The following RBMX variants were observed in gnomAD, a reference collection of about 807,000 sequenced individuals.
The protein encoded by RBMX is RNA binding motif protein X-linked.
Under a neutral mutation model 29.3 loss-of-function variants are expected in RBMX, and 1 was observed. That is an observed-to-expected ratio of 0.03 (90% CI 0.01 to 0.16). RBMX has a LOEUF of 0.16. Ranked by LOEUF, RBMX falls within the 10% of genes least tolerant of loss-of-function variation. RBMX has a pLI of 1.00. For missense variants in RBMX, 121 were observed against 333.2 expected (o/e 0.36, Z 4.96); for synonymous variants, 102 against 102.3 (o/e 1.00, Z 0.02).
intron 3 of RBMX, 114 bp downstream of exon 3, chrX:136,878,903 G>T: frequency 1.1e-6 from 1 of 933,658 alleles, no homozygotes; most frequent in Non-Finnish European, 1.5e-6. Context: ...TCCCAGACAG[G>T]TATATACTGA....
chrX:136,875,669 G>A (rs931478690), intron 5 of RBMX, 84 bp from the exon 6 acceptor site: 3 of 1,088,241 alleles, frequency 2.8e-6, no homozygotes, highest in African/African-American at 3.7e-5. Flanking sequence ...GAAAAATAAT[G>A]AGACTGACTT....
chrX:136,872,630 G>A (rs1238165703), downstream of RBMX: 9 of 299,076 alleles, frequency 3.0e-5, no homozygotes, highest in Non-Finnish European at 5.3e-5. Flanking sequence ...TTATTTGAAG[G>A]AATAAGTGCA....
At chrX:136,877,212 A>G (rs1465523471) in intron 4 of RBMX, among the ~76,000 whole-genome samples, 1 of 106,403 alleles carries the variant, frequency 9.4e-6, no homozygotes, top group African/African-American at 3.4e-5. Context: ...CATGCCCGTA[A>G]TCCCAGCTAC....
chrX:136,874,787 A>G, intron 8 of RBMX: 2 of 384,865 alleles, frequency 5.2e-6, no homozygotes, highest in Non-Finnish European at 8.2e-6. Flanking sequence ...TTGCAATGGT[A>G]AATATTTGAT....
At chrX:136,878,960 T>C in intron 3 of RBMX, 57 bp downstream of exon 3, 2 of 1,192,052 alleles carry the variant, frequency 1.7e-6, no homozygotes. Context: ...CTTGGACAAC[T>C]ACATGTTATT....
chrX:136,869,937 T>TG (rs2077675227), downstream of RBMX: 1 of 112,303 alleles, frequency 8.9e-6, no homozygotes, highest in Admixed American at 9.5e-5. Context: ...CATCTTAGCA[T>TG]GGTTACTTTC....
chrX:136,878,744 T>TC (rs2077765763), intron 3 of RBMX, among the ~76,000 whole-genome samples: 1 of 43,317 alleles, frequency 2.3e-5, no homozygotes. Flanking sequence ...AGGGAGACTA[T>TC]CAAAAAAAAA....
At chrX:136,875,432 C>T (rs773574024) in intron 6 of RBMX, 39 bp downstream of exon 6, 2 of 1,206,964 alleles carry the variant, frequency 1.7e-6, no homozygotes, top group South Asian at 3.6e-5. Context: ...TTTCCTTCAA[C>T]CTTAATTATT....
rs1028224049 is a variant in RBMX, at chrX:136,876,414, G to A, written c.541+89C>T. ...TAGGATTACGGGCGTGAGCCACCAC[G>A]CCTGGCCAATTAAAATTTTAAGCAT... On this transcript the variant is annotated intron_variant, in intron 5 of 8. Transcript: ENST00000320676. 6 of 1,014,573 alleles carry A rather than the reference G, an allele frequency of 5.9e-6. No individual in the cohort carries two copies. The African/African-American group carries it at 7.8e-5, about 13-fold the overall frequency. 83.6% of individuals were successfully genotyped at this position (1,014,573 alleles called of 1,213,427 possible).
In RBMX at chrX:136,876,529, C is replaced by T. The variant is rs755042249; in HGVS notation, c.515G>A (p.Arg172His). 1 of 1,193,903 alleles carries T rather than the reference C, an allele frequency of 8.4e-7. No homozygotes were observed. Among genetic ancestry groups the T allele is most frequent in the Non-Finnish European group, 1.1e-6 (1 of 889,471 alleles). The change falls in exon 5 of 9, where the codon CGC becomes CAC. Residue 172 changes from arginine (R) to histidine (H), a missense_variant. Arg to His is a conservative substitution (Grantham distance 29). Coordinates refer to ENST00000320676, the MANE Select transcript of RBMX (RefSeq NM_002139.4). ...TCTTCCTCCCATTCCACTGCTACTG[C>T]GAACTGGTCCTGAAGGTGCAGATCT... ...PKRSAPSGPV[R>H]SSSGMGGRAP...
intron 5 of RBMX, 152 bp from the exon 6 acceptor site, chrX:136,875,737 C>T: frequency 1.2e-6 from 1 of 834,696 alleles, no homozygotes; most frequent in Non-Finnish European, 1.6e-6. Context: ...ATTTCCCATT[C>T]ATATTTTAAA....
intron 5 of RBMX, among the ~76,000 whole-genome samples, chrX:136,876,112 GT>G (rs1219930728): frequency 2.9e-3 from 257 of 87,830 alleles, no homozygotes; most frequent in Non-Finnish European, 2.8e-3. Flanking sequence ...CATGAATAAA[GT>G]TTTTTTTTTT....
At chrX:136,876,112 GTTTTTTTTTTTTGTTTT>G (rs1344902528) in intron 5 of RBMX, among the ~76,000 whole-genome samples, 5 of 87,873 alleles carry the variant, frequency 5.7e-5, no homozygotes, top group East Asian at 3.9e-4. Context: ...CATGAATAAA[GTTTTTTTTTTTTGTTTT>G]TTTTTTTTTT....
intron 4 of RBMX, 144 bp from the exon 5 acceptor site, chrX:136,876,799 C>A: frequency 2.4e-6 from 1 of 410,735 alleles, no homozygotes. Context: ...CCTCTGCCTC[C>A]TGGGTTCAAG....
intron 5 of RBMX, among the ~76,000 whole-genome samples, chrX:136,876,216 C>G (rs1396919806): frequency 9.6e-6 from 1 of 104,224 alleles, no homozygotes; most frequent in Non-Finnish European, 2.0e-5. Flanking sequence ...CTCTGCCTCC[C>G]AGGTTCAAAC....
At chrX:136,880,431 C>T (rs1020808581) in intron 1 of RBMX, among the ~76,000 whole-genome samples, 166 bp downstream of exon 1, 1 of 112,029 alleles carries the variant, frequency 8.9e-6, no homozygotes, top group Non-Finnish European at 1.9e-5. Context: ...ACCAAACGGG[C>T]CCCCTCATTT....
rs936977524 is a variant in RBMX at position 136,874,156 on chromosome X, T to G, written c.1162A>C (p.Arg388=). The change falls in exon 9 of 9, where the codon AGA becomes CGA. Residue 388 remains arginine (R), a synonymous_variant. Transcript: ENST00000320676. ...TTTGTTTGTTTCTAGTATCTGCTTC[T>G]GCCTCCCCCTCTATCAGATCGGCTT... ...GGSRSDRGGG[R]SRY The G allele has an allele frequency of 1.7e-6, 2 of 1,201,611 alleles. No individual in the cohort carries two copies. Among genetic ancestry groups the G allele is most frequent in the Non-Finnish European group, 2.2e-6 (2 of 889,332 alleles).
intron 4 of RBMX, among the ~76,000 whole-genome samples, chrX:136,876,884 G>T (rs1377961911): frequency 5.8e-5 from 6 of 103,698 alleles, no homozygotes; most frequent in South Asian, 4.7e-4. Flanking sequence ...ATTTTTGGTG[G>T]TTTTTTTTAA....
chrX:136,876,133 T>G (rs867782047), intron 5 of RBMX, among the ~76,000 whole-genome samples: 4 of 101,602 alleles, frequency 3.9e-5, no homozygotes, highest in Non-Finnish European at 6.0e-5. Context: ...TTGTTTTTTT[T>G]TTTTTTTTGG....
Sources: allele counts gnomAD v4.1 joint callset (sites outside exome capture counted in the v4.1 genomes callset), GRCh38; gene constraint gnomAD v4.1.1; transcripts MANE v1.5; gene names NCBI Gene and HGNC (gene_info 2026-07-23, HGNC 2026-07-21).